The following IQANK1 variants were observed in gnomAD, a reference collection of about 807,000 sequenced individuals.
IQANK1 encodes IQ motif and ankyrin repeat containing 1.
A neutral mutation model predicts 22.6 loss-of-function variants in IQANK1; 30 were observed. The observed-to-expected ratio is 1.33, with a 90% confidence interval of 0.99 to 1.80. The LOEUF is 1.80. Ranked by LOEUF, IQANK1 falls within the 40% of genes most tolerant of loss-of-function variation. The pLI, the probability that IQANK1 is intolerant of heterozygous loss-of-function variation, is 0.00. For missense variants in IQANK1, 275 were observed against 235.2 expected, an observed-to-expected ratio of 1.17 and a Z score of -1.11; for synonymous variants, 122 against 99.6, an observed-to-expected ratio of 1.23 and a Z score of -1.34.
intron 8 of IQANK1, 55 bp downstream of exon 8, chr8:143,789,118 G>A: frequency 2.5e-6 from 1 of 401,926 alleles, no homozygotes; most frequent in Non-Finnish European, 4.4e-6. Context: ...GCGCTGGCAG[G>A]GAGCCCGGGC....
chr8:143,768,800 T>G (rs1365514848), intron 3 of IQANK1, among the ~76,000 whole-genome samples: 1 of 152,206 alleles, frequency 6.6e-6, no homozygotes, highest in Admixed American at 6.5e-5. Flanking sequence ...TTCAGAACCT[T>G]CCCAAGATTG....
chr8:143,751,638 G>GTC (rs2129838520), intron 3 of IQANK1, among the ~76,000 whole-genome samples: 1 of 43,460 alleles, frequency 2.3e-5, no homozygotes, highest in South Asian at 8.7e-4. Context: ...GTGTGTGTGT[G>GTC]TGTGTGTGTG....
intron 3 of IQANK1, among the ~76,000 whole-genome samples, chr8:143,740,340 G>A (rs573509160): frequency 2.6e-5 from 4 of 152,122 alleles, no homozygotes; most frequent in Non-Finnish European, 4.4e-5. Flanking sequence ...GGCCCTGCGC[G>A]TCGCCTTGGG....
At chr8:143,740,303 G>A (rs907016836) in intron 3 of IQANK1, among the ~76,000 whole-genome samples, 17 of 152,128 alleles carry the variant, frequency 1.1e-4, no homozygotes, top group East Asian at 1.9e-4. Context: ...CGCCCCGCGC[G>A]CGCCGCCCTC....
rs181087536 is a variant in IQANK1 at position 143,742,040 on chromosome 8, C to G, written c.175+2092C>G. 1.5e-3 allele frequency: 451 copies of G among 294,850 alleles called. 2 individuals are homozygous for G. The highest frequency in any genetic ancestry group is 9.4e-3 in the African/African-American group (433 of 46,230). The allele number at this position is 294,850 out of a possible 1,614,324, so 18.3% of individuals were successfully genotyped here. A position where few individuals can be genotyped will look rare whatever the true frequency, so the allele number is the denominator to read the frequency against. On this transcript the variant is annotated intron_variant, in intron 3 of 13. Coordinates refer to ENST00000527139, the MANE Select transcript of IQANK1 (RefSeq NM_001381874.1). The stretch of plus-strand genomic sequence containing the variant: ...GTCCATGGTGCAGTCGTGATGTCCA[C>G]GAGCCTGTCTGTGCCCTCGCTGCGG...
intron 2 of IQANK1, among the ~76,000 whole-genome samples, chr8:143,736,347 A>G (rs1818738825): frequency 1.3e-5 from 2 of 151,950 alleles, no homozygotes; most frequent in Admixed American, 6.6e-5. Context: ...GTTTCGCCAC[A>G]TTGACCAGGC....
Position 143,790,503 on chromosome 8 carries a change from G to A in IQANK1, c.1578G>A (p.Leu526=), listed in dbSNP as rs1820017205. 4 of 407,084 alleles carry A rather than the reference G, an allele frequency of 9.8e-6. No individual in the cohort carries two copies. The South Asian group carries it at 5.0e-4, about 51-fold the overall frequency. The allele number at this position is 407,084 out of a possible 1,614,324, so 25.2% of individuals were successfully genotyped here. ...CCACGCAGTTCCAGGAGCAGCGGCTGGAGCACTTCCGCCTCTTTTTCGTCA... is the reference window on the plus strand; with the variant it reads ...CCACGCAGTTCCAGGAGCAGCGGCTAGAGCACTTCCGCCTCTTTTTCGTCA... The part of the protein sequence containing the change: ...YSPTQFQEQR[L]EHFRLFFVTK... The change falls in exon 14 of 14, where the codon CTG becomes CTA. Residue 526 remains leucine (L), a synonymous_variant. Coordinates refer to ENST00000527139, the MANE Select transcript of IQANK1 (RefSeq NM_001381874.1).
intron 3 of IQANK1, chr8:143,759,007 C>T (rs1819342713): frequency 5.1e-6 from 1 of 195,908 alleles, no homozygotes. Flanking sequence ...TGGGCTTTCT[C>T]CATAGCAATT....
At chr8:143,764,146 A>C (rs1388775374) in intron 3 of IQANK1, among the ~76,000 whole-genome samples, 2 of 152,150 alleles carry the variant, frequency 1.3e-5, no homozygotes, top group African/African-American at 4.8e-5. Flanking sequence ...GGCCCGCCGG[A>C]AGGACTCGGC....
intron 2 of IQANK1, among the ~76,000 whole-genome samples, chr8:143,737,143 G>A (rs1254918925): frequency 1.3e-5 from 2 of 152,246 alleles, no homozygotes; most frequent in African/African-American, 4.8e-5. Context: ...GAGGATAATG[G>A]GCACAGGTGC....
rs1440239363 is a variant in IQANK1, at chr8:143,751,660, G to GTATA, written c.175+11713_175+11714insATAT. On this transcript the variant is annotated intron_variant, in intron 3 of 13. Coordinates refer to ENST00000527139, the MANE Select transcript of IQANK1 (RefSeq NM_001381874.1). Reference sequence around the variant, plus strand: ...TGTGTGTGTGTGTGTGTGTGTGTGTGTGTGTATATATATATATAAAATCCT... The same window carrying GTATA: ...TGTGTGTGTGTGTGTGTGTGTGTGTGTATATGTGTATATATATATATAAAATCCT... 7.4e-3 allele frequency among the ~76,000 whole-genome samples: 324 copies of GTATA among 44,022 alleles called. 3 individuals carry two copies. The highest frequency in any genetic ancestry group is 0.015 in the African/African-American group (307 of 21,012). The allele number at this position is 44,022 out of a possible 152,430, so 28.9% of individuals were successfully genotyped here.
chr8:143,773,316 ACAAAAAAAAC>A (rs797041413), intron 7 of IQANK1, among the ~76,000 whole-genome samples: 4,952 of 139,062 alleles, frequency 0.036, 328 homozygotes, highest in African/African-American at 0.15. Context: ...AAAAAAAAAA[ACAAAAAAAAC>A]ACAAAAAAAA....
chr8:143,756,976 TA>T (rs200345688), intron 3 of IQANK1, among the ~76,000 whole-genome samples: 74 of 147,552 alleles, frequency 5.0e-4, no homozygotes, highest in South Asian at 2.4e-3. Context: ...GGACCCTGTC[TA>T]AAAAAAAAAA....
At chr8:143,778,728 G>C (rs1554630707) in intron 7 of IQANK1, among the ~76,000 whole-genome samples, 2 of 152,090 alleles carry the variant, frequency 1.3e-5, no homozygotes, top group Non-Finnish European at 2.9e-5. Context: ...GTATTGGTTT[G>C]CGCTTTCGCC....
chr8:143,785,253 C>CTT (rs36118052), intron 7 of IQANK1, among the ~76,000 whole-genome samples: 1,206 of 92,012 alleles, frequency 0.013, 41 homozygotes, highest in African/African-American at 0.041. Flanking sequence ...TGTTCTGTAT[C>CTT]TTTTTTTTTT....
chr8:143,779,502 T>C (rs1422874995), intron 7 of IQANK1, among the ~76,000 whole-genome samples: 2 of 152,264 alleles, frequency 1.3e-5, no homozygotes, highest in Non-Finnish European at 2.9e-5. Context: ...ATGTATCAGT[T>C]CATCATTTAA....
intron 3 of IQANK1, among the ~76,000 whole-genome samples, chr8:143,747,984 C>G (rs1435771937): frequency 2.4e-5 from 3 of 125,170 alleles, no homozygotes; most frequent in South Asian, 2.6e-4. Context: ...CTTTCCTTTC[C>G]CTTTCCTTTC....
At chr8:143,788,521 C>T (rs1030392878) in intron 7 of IQANK1, among the ~76,000 whole-genome samples, 1 of 152,238 alleles carries the variant, frequency 6.6e-6, no homozygotes, top group South Asian at 2.1e-4. Flanking sequence ...CCAGTGTGCA[C>T]ATCCTGCGGG....
Position 143,771,213 on chromosome 8 carries a change from G to T in IQANK1, c.176-275G>T, listed in dbSNP as rs1372950058. Among the ~76,000 whole-genome samples, 13 of 152,126 alleles carry T rather than the reference G, an allele frequency of 8.5e-5. No homozygotes were observed. The highest frequency in any genetic ancestry group is 3.1e-4 in the African/African-American group (13 of 41,446). ...CCTCACCGTTCCTCGGGGCTCCCGA[G>T]CTGCGGGCTCGGCGGGGCTCGCAGG... On this transcript the variant is annotated intron_variant, in intron 3 of 13. Coordinates refer to ENST00000527139, the MANE Select transcript of IQANK1 (RefSeq NM_001381874.1). This position sits in a 1 kb window ranked among gnomAD's most constrained non-coding sequence, Gnocchi z 6.0.
Sources: allele counts gnomAD v4.1 joint callset (sites outside exome capture counted in the v4.1 genomes callset), GRCh38; gene constraint gnomAD v4.1.1; non-coding constraint Gnocchi (gnomAD v3.1); transcripts MANE v1.5; gene names NCBI Gene and HGNC (gene_info 2026-07-23, HGNC 2026-07-21).